The following SPOCK1 variants were observed in gnomAD, a reference collection of about 807,000 sequenced individuals.
SPOCK1 encodes the protein testican-1.
Under a neutral mutation model 55.3 loss-of-function variants are expected in SPOCK1, and 23 were observed. The ratio of observed to expected loss-of-function variants is 0.42; its 90% CI spans 0.30 to 0.59. SPOCK1 has a LOEUF of 0.59. Among genes scored for constraint, SPOCK1 ranks in the 20% least tolerant of loss-of-function variants. The probability of loss-of-function intolerance (pLI) is 0.22; values close to 1 mark genes in which losing one functional copy is unlikely to be tolerated. For synonymous variants in SPOCK1, 226 were observed against 221.0 expected (o/e 1.02, Z -0.20); for missense variants, 499 against 552.5 (o/e 0.90, Z 0.97).
chr5:137,298,788 C>T (rs141459986), intron 2 of SPOCK1, among the ~76,000 whole-genome samples: 1 of 152,194 alleles, frequency 6.6e-6, no homozygotes, highest in East Asian at 1.9e-4. Flanking sequence ...GGTCTATTAT[C>T]TGATATTACT....
At chr5:137,191,503 AC>A (rs1426842213) in intron 3 of SPOCK1, among the ~76,000 whole-genome samples, 3 of 152,208 alleles carry the variant, frequency 2.0e-5, no homozygotes, top group Non-Finnish European at 2.9e-5. Flanking sequence ...GAACATAAAA[AC>A]TTTTGTTTGA....
intron 6 of SPOCK1, among the ~76,000 whole-genome samples, chr5:136,999,629 C>A (rs7703118): frequency 0.85 from 129,321 of 152,150 alleles, 55,863 homozygotes; most frequent in Non-Finnish European, 0.93. Flanking sequence ...TTGACAAAAA[C>A]GGGGAAGAAA....
chr5:137,199,415 C>T (rs939737399), intron 3 of SPOCK1, among the ~76,000 whole-genome samples: 2 of 152,104 alleles, frequency 1.3e-5, no homozygotes, highest in South Asian at 2.1e-4. Flanking sequence ...AGAAAAGAGC[C>T]TCCTGGGTTG....
intron 2 of SPOCK1, among the ~76,000 whole-genome samples, chr5:137,434,389 C>T (rs1489883124): frequency 1.3e-5 from 2 of 151,584 alleles, no homozygotes; most frequent in Non-Finnish European, 2.9e-5. Flanking sequence ...TTTCAGGTCT[C>T]ACACTCAAAC....
At chr5:137,496,491 A>G (rs1245808512) in intron 2 of SPOCK1, among the ~76,000 whole-genome samples, 1 of 152,220 alleles carries the variant, frequency 6.6e-6, no homozygotes, top group Non-Finnish European at 1.5e-5. Flanking sequence ...TTTCAACTCA[A>G]TCCAGCTGCC....
At chr5:137,377,942 CTT>C (rs3043282) in intron 2 of SPOCK1, among the ~76,000 whole-genome samples, 6 of 104,626 alleles carry the variant, frequency 5.7e-5, no homozygotes, top group Admixed American at 1.2e-4. Context: ...TCACTTCTTC[CTT>C]TTTTTTTTTT....
chr5:137,140,790 G>A (rs565417083), intron 3 of SPOCK1, 96 bp from the exon 4 acceptor site: 152 of 754,904 alleles, frequency 2.0e-4, no homozygotes, highest in Non-Finnish European at 2.7e-4. Flanking sequence ...ACGGACTCTC[G>A]CTGTGTTGCC....
chr5:137,209,439 C>T (rs978789808), intron 3 of SPOCK1, among the ~76,000 whole-genome samples: 1 of 152,200 alleles, frequency 6.6e-6, no homozygotes, highest in African/African-American at 2.4e-5. Flanking sequence ...ATGACTCAAA[C>T]TAATAGAAAC....
At chr5:137,369,087 G>T (rs1395168979) in intron 2 of SPOCK1, among the ~76,000 whole-genome samples, 1 of 152,214 alleles carries the variant, frequency 6.6e-6, no homozygotes, top group Non-Finnish European at 1.5e-5. Context: ...TGTCAGTTGA[G>T]CTGACAAGTA....
At chr5:137,395,650 GAGA>G (rs1481220496) in intron 2 of SPOCK1, among the ~76,000 whole-genome samples, 1 of 152,220 alleles carries the variant, frequency 6.6e-6, no homozygotes, top group Non-Finnish European at 1.5e-5. Flanking sequence ...TGGAATAAAG[GAGA>G]AGGCAGGGCT....
At chr5:137,080,886 C>T (rs1293485477) in intron 5 of SPOCK1, among the ~76,000 whole-genome samples, 1 of 152,186 alleles carries the variant, frequency 6.6e-6, no homozygotes, top group Non-Finnish European at 1.5e-5. Flanking sequence ...AAGGTCAGAG[C>T]GAACAGAGGT....
intron 2 of SPOCK1, among the ~76,000 whole-genome samples, chr5:137,314,267 C>G (rs1757838310): frequency 6.6e-6 from 1 of 152,126 alleles, no homozygotes; most frequent in African/African-American, 2.4e-5. Flanking sequence ...CAGAAAACAT[C>G]ATTCTCTCAC....
At chr5:137,065,279 T>C (rs1752486209) in intron 6 of SPOCK1, among the ~76,000 whole-genome samples, 1 of 149,158 alleles carries the variant, frequency 6.7e-6, no homozygotes, top group South Asian at 2.1e-4. Context: ...TGTACCCTAA[T>C]AGGTGATTAT....
intron 2 of SPOCK1, among the ~76,000 whole-genome samples, chr5:137,338,888 G>C (rs1455205426): frequency 6.6e-6 from 1 of 152,138 alleles, no homozygotes; most frequent in Non-Finnish European, 1.5e-5. Flanking sequence ...CTAATGAACT[G>C]TACTGTTATT....
chr5:137,448,815 G>T (rs1753187443), intron 2 of SPOCK1, among the ~76,000 whole-genome samples: 2 of 152,184 alleles, frequency 1.3e-5, no homozygotes, highest in Admixed American at 1.3e-4. Flanking sequence ...GAGACATCCT[G>T]CACTTGGCAC....
At chr5:137,424,829 G>C (rs988855388) in intron 2 of SPOCK1, among the ~76,000 whole-genome samples, 1 of 152,146 alleles carries the variant, frequency 6.6e-6, no homozygotes, top group Non-Finnish European at 1.5e-5. Flanking sequence ...GGGACTGAGG[G>C]ACTGAGTATA....
At chr5:137,103,617 T>C (rs895226465) in intron 5 of SPOCK1, among the ~76,000 whole-genome samples, 3 of 152,226 alleles carry the variant, frequency 2.0e-5, no homozygotes, top group Non-Finnish European at 4.4e-5. Context: ...CCTTGGTAAA[T>C]GTTTACAGGA....
In SPOCK1 at chr5:137,212,203, G is replaced by A. The variant is rs139825389; in HGVS notation, c.232+54807C>T. Among the ~76,000 whole-genome samples, 13 of 152,276 alleles carry A rather than the reference G, an allele frequency of 8.5e-5. No homozygotes were observed. In the East Asian group the frequency reaches 2.5e-3, roughly 29 times the overall value. ...AGTTAAACTGTAGGACATCCAGTTA[G>A]TGTCTGCTGGAGAATCAGGTGTTGG... On this transcript the variant is annotated intron_variant, in intron 3 of 10. Coordinates refer to ENST00000394945, the MANE Select transcript of SPOCK1 (RefSeq NM_004598.4).
At chr5:137,289,162 G>C (rs190511331) in intron 2 of SPOCK1, among the ~76,000 whole-genome samples, 3 of 152,334 alleles carry the variant, frequency 2.0e-5, no homozygotes, top group Admixed American at 2.0e-4. Flanking sequence ...AAGTCAAAAT[G>C]AGTTAATCCA....
Sources: allele counts gnomAD v4.1 joint callset (sites outside exome capture counted in the v4.1 genomes callset), GRCh38; gene constraint gnomAD v4.1.1; transcripts MANE v1.5; gene names NCBI Gene and HGNC (gene_info 2026-07-23, HGNC 2026-07-21).